Variants in FAM78B observed in about 807,000 individuals in gnomAD.
The protein encoded by FAM78B is family with sequence similarity 78 member B.
FAM78B carries 10 observed loss-of-function variants against 20.0 expected under a neutral mutation model. The ratio of observed to expected loss-of-function variants is 0.50; its 90% CI spans 0.31 to 0.85. FAM78B has a LOEUF of 0.85. Ranked by LOEUF, FAM78B falls within the 40% of genes least tolerant of loss-of-function variation. The pLI is 0.05. For missense variants in FAM78B, 283 were observed against 345.0 expected, an observed-to-expected ratio of 0.82 and a Z score of 1.42; for synonymous variants, 135 against 132.8, an observed-to-expected ratio of 1.02 and a Z score of -0.12.
At chr1:166,105,790 C>G (rs978924351) in intron 1 of FAM78B, among the ~76,000 whole-genome samples, 5 of 151,820 alleles carry the variant, frequency 3.3e-5, no homozygotes, top group Admixed American at 3.3e-4. Context: ...TTGTGGAAGT[C>G]AGTGTGGCGA....
At chr1:166,082,519 C>G (rs1652622423) in intron 1 of FAM78B, 1 of 152,304 alleles carries the variant, frequency 6.6e-6, no homozygotes, top group African/African-American at 2.4e-5. Context: ...CTTTCATCCT[C>G]AACTTGCAGC....
At position 166,109,814 on chromosome 1, in the gene FAM78B, GTA is replaced by G. The variant is rs201957585; in HGVS notation, c.264-39053_264-39052del. ...GAAACTGTGATATATATGTATATATGTATATATATATATATATGTATATATGT... is the reference window on the plus strand; with the variant it reads ...GAAACTGTGATATATATGTATATATGTATATATATATATATGTATATATGT... On this transcript the variant is annotated intron_variant, in intron 1 of 1. Coordinates refer to ENST00000354422, the MANE Select transcript of FAM78B (RefSeq NM_001017961.5). Among the ~76,000 whole-genome samples, 39 of 32,644 alleles carry G rather than the reference GTA, an allele frequency of 1.2e-3. 7 individuals are homozygous for G. Among genetic ancestry groups the G allele is most frequent in the South Asian group, 3.5e-3 (3 of 858 alleles). The allele number at this position is 32,644 out of a possible 152,430, so 21.4% of individuals were successfully genotyped here.
intron 1 of FAM78B, among the ~76,000 whole-genome samples, chr1:166,131,427 A>G (rs911316243): frequency 6.6e-6 from 1 of 152,212 alleles, no homozygotes; most frequent in African/African-American, 2.4e-5. Flanking sequence ...GAGTTAAAGC[A>G]ACTCCACTGT....
intron 1 of FAM78B, among the ~76,000 whole-genome samples, chr1:166,111,838 C>G (rs946457408): frequency 6.6e-6 from 1 of 152,214 alleles, no homozygotes; most frequent in Non-Finnish European, 1.5e-5. Context: ...CATAGAGCAG[C>G]GTCCCTGGCT....
In FAM78B at chr1:166,069,473, A is replaced by C. The variant is rs955128582; in HGVS notation, c.*768T>G. On this transcript the variant is annotated 3_prime_UTR_variant, in exon 2 of 2. Coordinates refer to ENST00000354422, the MANE Select transcript of FAM78B (RefSeq NM_001017961.5). The stretch of plus-strand genomic sequence containing the variant: ...AAACATGGACAGGGCCCCAAATATC[A>C]TAACTATTGCAGAATGTGGGAATTA... The C allele has an allele frequency of 6.6e-6, 1 of 152,230 alleles. No homozygotes were observed. Among genetic ancestry groups the C allele is most frequent in the Non-Finnish European group, 1.5e-5 (1 of 68,042 alleles). The allele number at this position is 152,230 out of a possible 1,614,324, so 9.4% of individuals were successfully genotyped here.
chr1:166,132,920 G>A (rs55793574), intron 1 of FAM78B, among the ~76,000 whole-genome samples: 2 of 152,314 alleles, frequency 1.3e-5, no homozygotes, highest in Middle Eastern at 3.4e-3. Flanking sequence ...AAAATGATAA[G>A]GGCAGTTTGT....
rs568935745 is a variant in FAM78B at position 166,160,985 on chromosome 1, G to A, written c.263+5001C>T. ...CTCAGAGGAGATAGCGGCTGAGACCGGAATGAGGGGCAGGAAGTAGCTAGA... is the reference window on the plus strand; with the variant it reads ...CTCAGAGGAGATAGCGGCTGAGACCAGAATGAGGGGCAGGAAGTAGCTAGA... On this transcript the variant is annotated intron_variant, in intron 1 of 1. Coordinates refer to ENST00000354422, the MANE Select transcript of FAM78B (RefSeq NM_001017961.5). Among the ~76,000 whole-genome samples the A allele has an allele frequency of 5.3e-5, 8 of 152,304 alleles. No homozygotes were observed. In the South Asian group the frequency reaches 6.2e-4, roughly 12 times the overall value.
At chr1:166,087,705 G>A (rs1185115472) in intron 1 of FAM78B, among the ~76,000 whole-genome samples, 5 of 152,188 alleles carry the variant, frequency 3.3e-5, no homozygotes, top group Admixed American at 6.5e-5. Context: ...AAACCCAGAG[G>A]AGACATACAC....
chr1:166,109,900 A>ATATGTATATATGTGTG (rs1249433802), intron 1 of FAM78B, among the ~76,000 whole-genome samples: 1 of 102,782 alleles, frequency 9.7e-6, no homozygotes, highest in African/African-American at 3.2e-5. Flanking sequence ...GTATATATAT[A>ATATGTATATATGTGTG]TATATATATA....
chr1:166,161,443 T>C (rs1656145361), intron 1 of FAM78B, among the ~76,000 whole-genome samples: 1 of 152,244 alleles, frequency 6.6e-6, no homozygotes, highest in African/African-American at 2.4e-5. Flanking sequence ...CCAATTGCAA[T>C]GGTAAGTTAT....
At chr1:166,110,487 CA>C (rs967985563) in intron 1 of FAM78B, among the ~76,000 whole-genome samples, 1 of 152,136 alleles carries the variant, frequency 6.6e-6, no homozygotes, top group Non-Finnish European at 1.5e-5. Context: ...GAGGCCAACA[CA>C]AGTGGTAAGC....
intron 1 of FAM78B, among the ~76,000 whole-genome samples, chr1:166,127,219 C>A (rs1029673765): frequency 2.0e-5 from 3 of 152,182 alleles, no homozygotes; most frequent in African/African-American, 7.2e-5. Flanking sequence ...GTTCCTCTTT[C>A]ATTTCCTACC....
intron 1 of FAM78B, among the ~76,000 whole-genome samples, chr1:166,123,216 C>G (rs947392892): frequency 6.6e-6 from 1 of 152,224 alleles, no homozygotes; most frequent in African/African-American, 2.4e-5. Context: ...CTTTTCAAAG[C>G]CAGGCCAGGC....
At position 166,108,638 on chromosome 1, in the gene FAM78B, T is replaced by G. The variant is rs568075312; in HGVS notation, c.264-37875A>C. Among the ~76,000 whole-genome samples, 4 of 152,166 alleles carry G rather than the reference T, an allele frequency of 2.6e-5. 1 individual carries two copies. In the South Asian group the frequency reaches 8.3e-4, roughly 32 times the overall value. On this transcript the variant is annotated intron_variant, in intron 1 of 1. Coordinates refer to ENST00000354422, the MANE Select transcript of FAM78B (RefSeq NM_001017961.5). The stretch of plus-strand genomic sequence containing the variant: ...TCCCATCAAAATACCACTATCATTC[T>G]TCACAGAACTAGAAAAAACAATCCT...
At chr1:166,165,888 G>A (rs981654667) in intron 1 of FAM78B, 98 bp downstream of exon 1, 6 of 1,402,226 alleles carry the variant, frequency 4.3e-6, no homozygotes, top group Admixed American at 3.7e-5. Flanking sequence ...GAAAGACGAT[G>A]GGGACAGCAG....
intron 1 of FAM78B, among the ~76,000 whole-genome samples, chr1:166,097,950 C>T (rs1653351461): frequency 6.6e-6 from 1 of 152,208 alleles, no homozygotes; most frequent in Non-Finnish European, 1.5e-5. Flanking sequence ...AATTAAACCA[C>T]CAAAGCCAAG....
intron 1 of FAM78B, among the ~76,000 whole-genome samples, chr1:166,137,959 G>C (rs1467908501): frequency 6.6e-6 from 1 of 152,206 alleles, no homozygotes; most frequent in African/African-American, 2.4e-5. Context: ...GCATGTCTCA[G>C]AACAGAGCAG....
exon 3 of FAM78B, chr1:166,058,820 G>T (rs1417495394): frequency 6.6e-6 from 1 of 151,978 alleles, no homozygotes; most frequent in African/African-American, 2.4e-5. Flanking sequence ...GATGTGAAGG[G>T]TGAGATGCCT....
chr1:166,072,934 C>T (rs1652106362), intron 1 of FAM78B, among the ~76,000 whole-genome samples: 1 of 152,158 alleles, frequency 6.6e-6, no homozygotes, highest in African/African-American at 2.4e-5. Context: ...TTTTGCCTCC[C>T]ATCTTCCTGC....
Sources: gnomAD v4.1 joint callset for allele counts (sites outside exome capture counted in the v4.1 genomes callset) on GRCh38, gnomAD v4.1.1 for gene constraint, MANE v1.5 for transcripts, NCBI Gene and HGNC (gene_info 2026-07-23, HGNC 2026-07-21) for gene names.